KAZALD1: variants seen among roughly 807,000 people sequenced by gnomAD.
KAZALD1 encodes the protein kazal-type serine protease inhibitor domain-containing protein 1.
KAZALD1 carries 31 observed loss-of-function variants against 27.7 expected under a neutral mutation model. The ratio of observed to expected loss-of-function variants is 1.12; its 90% confidence interval spans 0.84 to 1.51. The LOEUF is 1.51. KAZALD1 is among the 40% of genes most tolerant of loss of function. KAZALD1 has a pLI of 0.00. For missense variants in KAZALD1, 444 were observed against 408.9 expected (o/e 1.09, Z -0.74); for synonymous variants, 179 against 182.0 (o/e 0.98, Z 0.13).
chr10:101,064,367 G>T lies in KAZALD1; in HGVS notation c.618G>T (p.Arg206Ser), dbSNP rs1223684846. The part of the protein sequence containing the change: ...FAYPMASIEW[R>S]KDGLDIQLPG... ...ACCCCATGGCCTCCATCGAGTGGAG[G>T]AAGGATGGCTTGGACATCCAGCTGC... The change falls in exon 3 of 5, where the codon AGG becomes AGT. Residue 206 changes from arginine (R) to serine (S), a missense_variant. Coordinates refer to ENST00000370200, the MANE Select transcript of KAZALD1 (RefSeq NM_030929.5). The T allele has an allele frequency of 1.2e-6, 2 of 1,614,080 alleles. No individual in the cohort carries two copies. Among genetic ancestry groups the T allele is most frequent in the Admixed American group, 3.3e-5 (2 of 60,010 alleles).
At chr10:101,063,972 C>T (rs1222042259) in intron 2 of KAZALD1, among the ~76,000 whole-genome samples, 2 of 152,232 alleles carry the variant, frequency 1.3e-5, no homozygotes, top group Non-Finnish European at 2.9e-5. Context: ...GGCTGCCAAG[C>T]TACAATGTAG....
Position 101,066,386 on chromosome 10 carries a change from A to G in KAZALD1, c.*1466A>G, listed in dbSNP as rs1939319900. On this transcript the variant is annotated 3_prime_UTR_variant, in exon 5 of 5. Transcript: ENST00000370200. ...GCCGCCCCTCCCGCGGCTACGCACT[A>G]CTCCATCTACTGCTGGCTTGCCCCG... The G allele has an allele frequency of 4.4e-6, 2 of 456,364 alleles. No homozygotes were observed. Among genetic ancestry groups the G allele is most frequent in the African/African-American group, 2.0e-5 (1 of 50,008 alleles). The allele number at this position is 456,364 out of a possible 1,614,324, so 28.3% of individuals were successfully genotyped here.
At chr10:101,067,285 G>C (rs765056378), downstream of KAZALD1, 10 of 456,700 alleles carry the variant, frequency 2.2e-5, no homozygotes, top group South Asian at 1.4e-4. Flanking sequence ...CAGGAGCGCC[G>C]ACCCAGAGTT....
In KAZALD1 at chr10:101,064,369, A is replaced by G. The variant is rs529555862; in HGVS notation, c.620A>G (p.Lys207Arg). The change falls in exon 3 of 5, where the codon AAG becomes AGG. Residue 207 changes from lysine to arginine, a missense_variant. By Grantham distance (26) the Lys-to-Arg change is conservative. Coordinates refer to ENST00000370200, the MANE Select transcript of KAZALD1 (RefSeq NM_030929.5). ...AYPMASIEWR[K>R]DGLDIQLPGD... Reference sequence around the variant, plus strand: ...CCCATGGCCTCCATCGAGTGGAGGAAGGATGGCTTGGACATCCAGCTGCCA... The same window carrying G: ...CCCATGGCCTCCATCGAGTGGAGGAGGGATGGCTTGGACATCCAGCTGCCA... The G allele has an allele frequency of 5.6e-6, 9 of 1,614,214 alleles. No individual in the cohort carries two copies. In the African/African-American group the frequency reaches 9.3e-5, roughly 17 times the overall value.
At chr10:101,064,472 GACC>G in intron 3 of KAZALD1, 26 bp from the exon 4 acceptor site, 1 of 1,614,162 alleles carries the variant, frequency 6.2e-7, no homozygotes, top group Non-Finnish European at 8.5e-7. Flanking sequence ...CCTCCAGAAG[GACC>G]CTGCTGATTC....
intron 2 of KAZALD1, among the ~76,000 whole-genome samples, chr10:101,063,785 C>A (rs1162276289): frequency 6.6e-6 from 1 of 152,284 alleles, no homozygotes; most frequent in Non-Finnish European, 1.5e-5. Flanking sequence ...TTCAGGTTCT[C>A]TGCCTTGCCG....
Position 101,065,925 on chromosome 10 carries a change from T to A in KAZALD1, c.*1005T>A, listed in dbSNP as rs983785572. 1.3e-5 allele frequency among the ~76,000 whole-genome samples: 2 copies of A among 152,210 alleles called. No homozygotes were observed. The highest frequency in any genetic ancestry group is 4.8e-5 in the African/African-American group (2 of 41,452). On this transcript the variant is annotated 3_prime_UTR_variant, in exon 5 of 5. Coordinates refer to ENST00000370200, the MANE Select transcript of KAZALD1 (RefSeq NM_030929.5). ...CCCCAAAATGAAAGCATAAACTGGA[T>A]AGAGGAGGGTGGAAGTTTGGTCACC... is the stretch of plus-strand genomic sequence containing the variant.
chr10:101,066,962 G>C lies in KAZALD1; in HGVS notation c.*2042G>C. 1 of 316,498 alleles carries C rather than the reference G, an allele frequency of 3.2e-6. No individual in the cohort carries two copies. Among genetic ancestry groups the C allele is most frequent in the Non-Finnish European group, 6.2e-6 (1 of 161,458 alleles). The allele number at this position is 316,498 out of a possible 1,614,324, so 19.6% of individuals were successfully genotyped here. A position where few individuals can be genotyped will look rare whatever the true frequency, so the allele number is the denominator to read the frequency against. ...ACCCCGCCTCTGCTGCAGCGGACCC[G>C]CTTTAATAATGTCGCTGGAAAGTGA... On this transcript the variant is annotated 3_prime_UTR_variant, in exon 5 of 5. Transcript: ENST00000370200.
At position 101,065,902 on chromosome 10, in the gene KAZALD1, C is replaced by T. The variant is rs1939307576; in HGVS notation, c.*982C>T. ...GGAACAGGGCTATGTGGGTTGGCCC[C>T]CAAAATGAAAGCATAAACTGGATAG... is the stretch of plus-strand genomic sequence containing the variant. On this transcript the variant is annotated 3_prime_UTR_variant, in exon 5 of 5. Transcript: ENST00000370200. Among the ~76,000 whole-genome samples, 1 of 152,198 alleles carries T rather than the reference C, an allele frequency of 6.6e-6. No homozygotes were observed. The highest frequency in any genetic ancestry group is 1.5e-5 in the Non-Finnish European group (1 of 68,034).
rs1255170921 is a variant in KAZALD1, at chr10:101,066,589, A to C, written c.*1669A>C. 2.3e-6 allele frequency: 1 copy of C among 430,072 alleles called. No homozygotes were observed. The highest frequency in any genetic ancestry group is 1.6e-5 in the South Asian group (1 of 62,980). 26.6% of individuals were successfully genotyped at this position (430,072 alleles called of 1,614,324 possible). On this transcript the variant is annotated 3_prime_UTR_variant, in exon 5 of 5. Transcript: ENST00000370200. ...GCGTGCTGTTCGGCGCTGTGGCCAA[A>C]ATCCGCCCGGCGCTGAAAGAGGGGA...
At chr10:101,063,232 T>C (rs1165605440) in intron 2 of KAZALD1, 129 bp downstream of exon 2, 3 of 765,518 alleles carry the variant, frequency 3.9e-6, no homozygotes, top group South Asian at 4.3e-5. Flanking sequence ...TCGAGTCCAG[T>C]ATAAAACCCT....
rs770331163 is a variant in KAZALD1 at position 101,062,981 on chromosome 10, C to T, written c.389C>T (p.Ser130Leu). The change falls in exon 2 of 5, where the codon TCG becomes TTG. Residue 130 changes from serine (S) to leucine (L), a missense_variant. Coordinates refer to ENST00000370200, the MANE Select transcript of KAZALD1 (RefSeq NM_030929.5). ...CCGGAACCTCTGTGTGCCTGTCGTT[C>T]GCAGAGTCCGCTCTGCGGGTCCGAC... ...EVPEPLCACR[S>L]QSPLCGSDGH... 3 of 1,601,222 alleles carry T rather than the reference C, an allele frequency of 1.9e-6. No individual in the cohort carries two copies. The Admixed American group carries it at 5.0e-5, about 27-fold the overall frequency.
Position 101,066,208 on chromosome 10 carries a change from T to G in KAZALD1, c.*1288T>G. The stretch of plus-strand genomic sequence containing the variant: ...GCGCTGTGTGTAGATGGCGACAGCC[T>G]CCTACACGCCAGGGCTCCACCCGGA... On this transcript the variant is annotated 3_prime_UTR_variant, in exon 5 of 5. Transcript: ENST00000370200. 9.0e-6 allele frequency: 3 copies of G among 334,946 alleles called. No individual in the cohort carries two copies. The highest frequency in any genetic ancestry group is 4.0e-5 in the Admixed American group (1 of 25,120). The allele number at this position is 334,946 out of a possible 1,614,324, so 20.7% of individuals were successfully genotyped here. A position where few individuals can be genotyped will look rare whatever the true frequency, so the allele number is the denominator to read the frequency against.
chr10:101,064,880 A>C lies in KAZALD1; in HGVS notation c.875A>C (p.Glu292Ala). 6.2e-7 allele frequency: 1 copy of C among 1,614,062 alleles called. No homozygotes were observed. Among genetic ancestry groups the C allele is most frequent in the Non-Finnish European group, 8.5e-7 (1 of 1,179,964 alleles). The change falls in exon 5 of 5, where the codon GAG (glutamate) becomes GCG (alanine). Residue 292 changes from glutamate to alanine, a missense_variant. By Grantham distance (107) the Glu-to-Ala change is moderately radical. Coordinates refer to ENST00000370200, the MANE Select transcript of KAZALD1 (RefSeq NM_030929.5). ...CTGCGATCACTAAACCTGGTTCCTG[A>C]GGAGGAGGCTGAGAGTGAAGAGAAT... ...PQLRSLNLVP[E>A]EEAESEENDD...
At chr10:101,067,322 A>T (rs1323028781), downstream of KAZALD1, 12 of 456,536 alleles carry the variant, frequency 2.6e-5, no homozygotes, top group East Asian at 8.3e-4. Flanking sequence ...GGAGAGGCTC[A>T]GTCGCACCCT....
rs977276601 is a variant in KAZALD1 at position 101,066,271 on chromosome 10, G to A, written c.*1351G>A. On this transcript the variant is annotated 3_prime_UTR_variant, in exon 5 of 5. Transcript: ENST00000370200. ...TGCGGGAGGGCCTGCCCTTGGCTCA[G>A]CGTCAGAGTTTGTCCTCTGGGGCCC... is the stretch of plus-strand genomic sequence containing the variant. 2 of 395,586 alleles carry A rather than the reference G, an allele frequency of 5.1e-6. No homozygotes were observed. The highest frequency in any genetic ancestry group is 1.0e-5 in the Non-Finnish European group (2 of 191,608). The allele number at this position is 395,586 out of a possible 1,614,324, so 24.5% of individuals were successfully genotyped here. A position where few individuals can be genotyped will look rare whatever the true frequency, so the allele number is the denominator to read the frequency against.
intron 2 of KAZALD1, 121 bp from the exon 3 acceptor site, chr10:101,064,140 C>T: frequency 1.0e-6 from 1 of 974,458 alleles, no homozygotes; most frequent in Non-Finnish European, 1.6e-6. Flanking sequence ...TGTGTATTTA[C>T]CTCAGCATAT....
At chr10:101,067,196 C>T, downstream of KAZALD1, 1 of 447,374 alleles carries the variant, frequency 2.2e-6, no homozygotes, top group Non-Finnish European at 4.5e-6. Flanking sequence ...CCAGAACTCC[C>T]GGTTTCGCCT....
rs1939170403 is a variant in KAZALD1 at position 101,062,129 on chromosome 10, G to T, written c.-52+14G>T. Reference sequence around the variant, plus strand: ...TCCGGACACTAGGTGAGCACTCTGTGCCCCAGGCCATAAGCGAGGCGGCAT... The same window carrying T: ...TCCGGACACTAGGTGAGCACTCTGTTCCCCAGGCCATAAGCGAGGCGGCAT... On this transcript the variant is annotated intron_variant, in intron 1 of 4. Transcript: ENST00000370200. 4 of 186,652 alleles carry T rather than the reference G, an allele frequency of 2.1e-5. No individual in the cohort carries two copies. In the South Asian group the frequency reaches 4.1e-4, roughly 19 times the overall value. The allele number at this position is 186,652 out of a possible 1,614,324, so 11.6% of individuals were successfully genotyped here. A position where few individuals can be genotyped will look rare whatever the true frequency, so the allele number is the denominator to read the frequency against.
Sources: gnomAD v4.1 joint callset for allele counts (sites outside exome capture counted in the v4.1 genomes callset) on GRCh38, gnomAD v4.1.1 for gene constraint, MANE v1.5 for transcripts, NCBI Gene and HGNC (gene_info 2026-07-23, HGNC 2026-07-21) for gene names.